CLSTN1: variants seen among roughly 807,000 people sequenced by gnomAD.
The protein encoded by CLSTN1 is calsyntenin 1, also known as calsyntenin-1.
Under a neutral mutation model 108.3 loss-of-function variants are expected in CLSTN1, and 28 were observed. That is an observed-to-expected ratio of 0.26 (90% CI 0.19 to 0.35). The LOEUF is 0.35. CLSTN1 is among the 10% of genes least tolerant of loss of function. The pLI is 1.00. For synonymous variants in CLSTN1, 524 were observed against 534.9 expected, an observed-to-expected ratio of 0.98 and a Z score of 0.28; for missense variants, 1,157 against 1,302.6, an observed-to-expected ratio of 0.89 and a Z score of 1.72.
At chr1:9,760,684 G>T (rs1335080794) in intron 2 of CLSTN1, among the ~76,000 whole-genome samples, 12 of 102,430 alleles carry the variant, frequency 1.2e-4, no homozygotes, top group East Asian at 5.9e-4. Context: ...CCATTCCCGG[G>T]TTTTTTTTTT....
At chr1:9,811,731 CAAAAAA>C (rs34337087) in intron 1 of CLSTN1, among the ~76,000 whole-genome samples, 2 of 78,844 alleles carry the variant, frequency 2.5e-5, no homozygotes, top group Non-Finnish European at 3.5e-5. Flanking sequence ...AAATGCATGG[CAAAAAA>C]AAAAAAAAAA....
At chr1:9,779,599 GTTTT>G (rs1202512773) in intron 1 of CLSTN1, among the ~76,000 whole-genome samples, 1 of 151,924 alleles carries the variant, frequency 6.6e-6, no homozygotes, top group African/African-American at 2.4e-5. Flanking sequence ...AAAAAAAAAA[GTTTT>G]TTTAGTTGAG....
At chr1:9,814,973 C>T (rs1378686636) in intron 1 of CLSTN1, among the ~76,000 whole-genome samples, 1 of 152,066 alleles carries the variant, frequency 6.6e-6, no homozygotes, top group Non-Finnish European at 1.5e-5. Context: ...TTTCCAGTCC[C>T]TTTCATTAAG....
Position 9,774,565 on chromosome 1 carries a change from CA to C in CLSTN1, c.92-1172del, listed in dbSNP as rs556680637. On this transcript the variant is annotated intron_variant, in intron 1 of 18. Transcript: ENST00000377298. ...TGGGCGACAGAGTGAGACTCCGCCTCAAAAAAAAAAAAATAATCCACTTTTG... is the reference window on the plus strand; with the variant it reads ...TGGGCGACAGAGTGAGACTCCGCCTCAAAAAAAAAAAATAATCCACTTTTG... Among the ~76,000 whole-genome samples, 859 of 138,844 alleles carry C rather than the reference CA, an allele frequency of 6.2e-3. 10 individuals are homozygous for C. Among genetic ancestry groups the C allele is most frequent in the East Asian group, 0.045 (214 of 4,792 alleles). 91.1% of individuals were successfully genotyped at this position (138,844 alleles called of 152,430 possible).
intron 17 of CLSTN1, 37 bp from the exon 18 acceptor site, chr1:9,731,427 CGGCCCAGAA>C: frequency 6.2e-7 from 1 of 1,605,566 alleles, no homozygotes; most frequent in East Asian, 2.2e-5. Context: ...CGAGGTCACT[CGGCCCAGAA>C]GGCCACTGTG....
intron 2 of CLSTN1, among the ~76,000 whole-genome samples, chr1:9,766,327 A>G (rs1652330495): frequency 6.6e-6 from 1 of 152,174 alleles, no homozygotes; most frequent in Admixed American, 6.5e-5. Flanking sequence ...CCCACACATG[A>G]GGCTCAAGCT....
chr1:9,791,678 C>T (rs1016636912), intron 1 of CLSTN1, among the ~76,000 whole-genome samples: 2 of 151,150 alleles, frequency 1.3e-5, no homozygotes, highest in South Asian at 2.2e-4. Context: ...ATTACAGGTG[C>T]CCACCACCAT....
intron 13 of CLSTN1, 121 bp from the exon 14 acceptor site, chr1:9,735,295 G>C: frequency 7.3e-7 from 1 of 1,367,680 alleles, no homozygotes; most frequent in South Asian, 1.2e-5. Flanking sequence ...GGCCACTCCA[G>C]GAACACACTT....
At chr1:9,773,471 A>T in intron 1 of CLSTN1, 77 bp from the exon 2 acceptor site, 3 of 1,399,902 alleles carry the variant, frequency 2.1e-6, no homozygotes, top group Non-Finnish European at 2.9e-6. Flanking sequence ...GAAGACACAC[A>T]CCTGCTATTA....
intron 1 of CLSTN1, among the ~76,000 whole-genome samples, chr1:9,782,746 C>A (rs998391959): frequency 2.0e-5 from 3 of 152,204 alleles, no homozygotes; most frequent in Non-Finnish European, 2.9e-5. Flanking sequence ...GTGGCTCACA[C>A]CTGTAATCCT....
chr1:9,817,935 T>C (rs1362214619), intron 1 of CLSTN1, among the ~76,000 whole-genome samples: 1 of 151,568 alleles, frequency 6.6e-6, no homozygotes, highest in Non-Finnish European at 1.5e-5. Flanking sequence ...GCTGTCGCCA[T>C]TTAAGGGTTC....
At chr1:9,740,283 C>T (rs1650913132) in intron 10 of CLSTN1, among the ~76,000 whole-genome samples, 2 of 151,964 alleles carry the variant, frequency 1.3e-5, no homozygotes, top group South Asian at 4.2e-4. Context: ...TGGTCTCGAA[C>T]TCCTGACCTC....
chr1:9,787,232 G>A (rs74051984), intron 1 of CLSTN1, among the ~76,000 whole-genome samples: 1,836 of 150,994 alleles, frequency 0.012, 41 homozygotes, highest in African/African-American at 0.042. Flanking sequence ...CGTCTTTCTC[G>A]AGGCCCAGGT....
At chr1:9,764,637 TAAAA>T (rs70998307) in intron 2 of CLSTN1, among the ~76,000 whole-genome samples, 7 of 82,326 alleles carry the variant, frequency 8.5e-5, no homozygotes, top group South Asian at 4.8e-4. Context: ...GCTCCATCTT[TAAAA>T]AAAAAAAAAA....
chr1:9,763,800 C>T (rs1652195508), intron 2 of CLSTN1, among the ~76,000 whole-genome samples: 1 of 152,154 alleles, frequency 6.6e-6, no homozygotes, highest in Non-Finnish European at 1.5e-5. Flanking sequence ...CCAGTTCCCA[C>T]CTCTGCTCCC....
chr1:9,731,222 G>C lies in CLSTN1; in HGVS notation c.2732C>G (p.Thr911Ser), dbSNP rs752952745. 1.1e-5 allele frequency: 17 copies of C among 1,614,116 alleles called. No homozygotes were observed. The highest frequency in any genetic ancestry group is 1.7e-5 in the Admixed American group (1 of 60,012). ...CACTCCTACCTCCATGGGGTTGACGGTGATGGTCAGGGCAGAGTCGTCCCA... is the reference window on the plus strand; with the variant it reads ...CACTCCTACCTCCATGGGGTTGACGCTGATGGTCAGGGCAGAGTCGTCCCA... Reference protein sequence around the residue: ...MDWDDSALTITVNPMETYEDQ... With the variant: ...MDWDDSALTISVNPMETYEDQ... The change falls in exon 18 of 19, where the codon ACC becomes AGC. Residue 911 changes from threonine (T) to serine (S), a missense_variant. Transcript: ENST00000377298.
intron 1 of CLSTN1, among the ~76,000 whole-genome samples, chr1:9,797,632 C>T (rs1417160197): frequency 1.3e-5 from 2 of 151,748 alleles, no homozygotes; most frequent in Non-Finnish European, 2.9e-5. Flanking sequence ...CAAAGCAAGA[C>T]CCTGTCTCAA....
intron 1 of CLSTN1, among the ~76,000 whole-genome samples, chr1:9,785,794 T>C (rs1653459298): frequency 6.6e-6 from 1 of 151,324 alleles, no homozygotes; most frequent in African/African-American, 2.4e-5. Flanking sequence ...GATGTGAATT[T>C]CTTTTTTTTT....
rs1553174707 is a variant in CLSTN1, at chr1:9,732,047, G to GGA, written c.2428-152_2428-151insTC. 5.2e-5 allele frequency: 30 copies of GGA among 581,266 alleles called. 1 individual carries two copies. The highest frequency in any genetic ancestry group is 8.6e-5 in the Non-Finnish European group (30 of 349,318). The allele number at this position is 581,266 out of a possible 1,614,324, so 36.0% of individuals were successfully genotyped here. On this transcript the variant is annotated intron_variant, in intron 16 of 18. Transcript: ENST00000377298. ...CAAACGGAGCTACGGGAAAAGGACA[G>GGA]AAAAAAAAATCAAGAGTAAGCACTT...
Sources: gnomAD v4.1 joint callset for allele counts (sites outside exome capture counted in the v4.1 genomes callset) on GRCh38, gnomAD v4.1.1 for gene constraint, MANE v1.5 for transcripts, NCBI Gene and HGNC (gene_info 2026-07-23, HGNC 2026-07-21) for gene names.